Variants in RPS6KA5 observed in about 807,000 individuals in gnomAD.
RPS6KA5 encodes ribosomal protein S6 kinase A5, also known as ribosomal protein S6 kinase alpha-5.
In RPS6KA5, 27 loss-of-function variants were observed where a neutral mutation model predicts 85.5. The ratio of observed to expected loss-of-function variants is 0.32; its 90% CI spans 0.23 to 0.44. The LOEUF is 0.44. Among genes scored for constraint, RPS6KA5 ranks in the 20% least tolerant of loss-of-function variants. RPS6KA5 has a pLI of 1.00. For missense variants in RPS6KA5, 811 were observed against 980.9 expected, an observed-to-expected ratio of 0.83 and a Z score of 2.31; for synonymous variants, 334 against 348.2, an observed-to-expected ratio of 0.96 and a Z score of 0.46.
chr14:90,999,662 C>T (rs1482234000), intron 2 of RPS6KA5, among the ~76,000 whole-genome samples: 1 of 152,182 alleles, frequency 6.6e-6, no homozygotes, highest in Non-Finnish European at 1.5e-5. Flanking sequence ...TGACAAGAAG[C>T]TGCATAAATG....
intron 2 of RPS6KA5, among the ~76,000 whole-genome samples, chr14:90,985,065 C>A (rs2040001632): frequency 6.6e-6 from 1 of 152,126 alleles, no homozygotes; most frequent in Non-Finnish European, 1.5e-5. Context: ...CTCAGCTTCC[C>A]AAGTAGCTGG....
intron 13 of RPS6KA5, among the ~76,000 whole-genome samples, chr14:90,890,978 T>C (rs1452670945): frequency 6.6e-6 from 1 of 152,072 alleles, no homozygotes; most frequent in East Asian, 1.9e-4. Context: ...TCCGCCAACC[T>C]ACCTCCCCCC....
In RPS6KA5 at chr14:91,047,033, C is replaced by T. The variant is rs960710621; in HGVS notation, c.103+13299G>A. On this transcript the variant is annotated intron_variant, in intron 1 of 16. Coordinates refer to ENST00000614987, the MANE Select transcript of RPS6KA5 (RefSeq NM_004755.4). ...CTGCACTACAGCCTGGGCAACAGAA[C>T]AAGACCCTGTCTCCAAAAAAAAAAA... 1.2e-4 allele frequency among the ~76,000 whole-genome samples: 15 copies of T among 130,380 alleles called. No individual in the cohort carries two copies. The East Asian group carries it at 3.1e-3, about 27-fold the overall frequency. The allele number at this position is 130,380 out of a possible 152,430, so 85.5% of individuals were successfully genotyped here. A position where few individuals can be genotyped will look rare whatever the true frequency, so the allele number is the denominator to read the frequency against.
chr14:90,957,457 C>T (rs2038584346), intron 3 of RPS6KA5, among the ~76,000 whole-genome samples: 1 of 152,170 alleles, frequency 6.6e-6, no homozygotes, highest in Non-Finnish European at 1.5e-5. Context: ...CAATGTTGCT[C>T]CTCAGAGAGC....
At chr14:90,927,170 G>A (rs551775054) in intron 5 of RPS6KA5, among the ~76,000 whole-genome samples, 123 of 152,178 alleles carry the variant, frequency 8.1e-4, no homozygotes, top group African/African-American at 2.8e-3. Flanking sequence ...AATGCCTTGT[G>A]TATAAAAATA....
Position 90,971,265 on chromosome 14 carries a change from C to T in RPS6KA5, c.394+7041G>A, listed in dbSNP as rs186990250. Among the ~76,000 whole-genome samples the T allele has an allele frequency of 7.2e-5, 11 of 152,112 alleles. No individual in the cohort carries two copies. In the East Asian group the frequency reaches 1.7e-3, roughly 24 times the overall value. ...CTGGAAGGGAGAGGTTGCAATGAGC[C>T]GAGATCACGCCACTGCACTCCAGCC... On this transcript the variant is annotated intron_variant, in intron 3 of 16. Coordinates refer to ENST00000614987, the MANE Select transcript of RPS6KA5 (RefSeq NM_004755.4).
At chr14:90,972,315 T>C (rs1312677169) in intron 3 of RPS6KA5, among the ~76,000 whole-genome samples, 1 of 151,514 alleles carries the variant, frequency 6.6e-6, no homozygotes, top group Non-Finnish European at 1.5e-5. Context: ...CTCTGAAAAA[T>C]AAAGGCAATG....
intron 1 of RPS6KA5, among the ~76,000 whole-genome samples, chr14:91,034,063 T>C (rs112077530): frequency 0.02 from 3,037 of 152,096 alleles, 39 homozygotes; most frequent in Non-Finnish European, 0.03. Flanking sequence ...CTCAACACTT[T>C]TGAGAGGCTG....
chr14:90,888,516 G>C (rs1254751426), intron 14 of RPS6KA5, among the ~76,000 whole-genome samples: 1 of 152,112 alleles, frequency 6.6e-6, no homozygotes, highest in East Asian at 1.9e-4. Context: ...TGTAAGTTTA[G>C]TTTGAAAATT....
At chr14:90,926,941 T>C (rs545300439) in intron 5 of RPS6KA5, among the ~76,000 whole-genome samples, 2 of 152,138 alleles carry the variant, frequency 1.3e-5, no homozygotes, top group African/African-American at 2.4e-5. Context: ...AAACAAGCAC[T>C]GAATTTATAA....
chr14:90,977,886 C>T (rs1359210977), intron 3 of RPS6KA5, among the ~76,000 whole-genome samples: 2 of 152,184 alleles, frequency 1.3e-5, no homozygotes, highest in Non-Finnish European at 2.9e-5. Flanking sequence ...AAAACCCCAT[C>T]TCTACTTAAA....
At chr14:90,896,254 T>TG (rs1463382715) in intron 12 of RPS6KA5, among the ~76,000 whole-genome samples, 1 of 152,196 alleles carries the variant, frequency 6.6e-6, no homozygotes, top group Non-Finnish European at 1.5e-5. Context: ...AGGCAATACT[T>TG]GCAGTGGTGT....
At chr14:90,873,944 C>T in intron 15 of RPS6KA5, 149 bp from the exon 16 acceptor site, 1 of 609,252 alleles carries the variant, frequency 1.6e-6, no homozygotes, top group East Asian at 2.9e-5. Flanking sequence ...TTTTCCTATT[C>T]ATTTAAATTC....
chr14:91,048,801 T>C (rs541014374), intron 1 of RPS6KA5, among the ~76,000 whole-genome samples: 4 of 152,356 alleles, frequency 2.6e-5, no homozygotes, highest in South Asian at 4.1e-4. Flanking sequence ...CACTTTAGGA[T>C]TGACATCTCT....
chr14:90,982,865 G>C (rs982466429), intron 2 of RPS6KA5, among the ~76,000 whole-genome samples: 1 of 152,120 alleles, frequency 6.6e-6, no homozygotes, highest in African/African-American at 2.4e-5. Flanking sequence ...TGTAATCCCA[G>C]CACTTTGGGA....
chr14:91,017,726 A>C (rs954288119), intron 1 of RPS6KA5, among the ~76,000 whole-genome samples: 1 of 152,232 alleles, frequency 6.6e-6, no homozygotes, highest in Non-Finnish European at 1.5e-5. Context: ...GTAGCCCACT[A>C]GCAAAATGTA....
At chr14:90,879,147 A>G (rs942377471) in intron 14 of RPS6KA5, among the ~76,000 whole-genome samples, 1 of 152,252 alleles carries the variant, frequency 6.6e-6, no homozygotes, top group African/African-American at 2.4e-5. Flanking sequence ...ATCATGTGCT[A>G]AGATCAGCAG....
At chr14:90,930,110 G>A (rs751679697) in intron 5 of RPS6KA5, among the ~76,000 whole-genome samples, 4 of 152,134 alleles carry the variant, frequency 2.6e-5, no homozygotes, top group African/African-American at 7.2e-5. Flanking sequence ...GGCCTCAAGC[G>A]ATCCTCCTAC....
intron 1 of RPS6KA5, among the ~76,000 whole-genome samples, chr14:91,057,682 G>A (rs1279556728): frequency 6.6e-6 from 1 of 152,164 alleles, no homozygotes; most frequent in African/African-American, 2.4e-5. Context: ...TGAGTGATTT[G>A]TTTCCCAAAT....
Sources: gnomAD v4.1 joint callset for allele counts (sites outside exome capture counted in the v4.1 genomes callset) on GRCh38, gnomAD v4.1.1 for gene constraint, MANE v1.5 for transcripts, NCBI Gene and HGNC (gene_info 2026-07-23, HGNC 2026-07-21) for gene names.